Variants in TLE4 observed in about 807,000 individuals in gnomAD.
TLE4 encodes TLE family member 4, transcriptional corepressor, also known as transducin-like enhancer protein 4.
Under a neutral mutation model 92.8 loss-of-function variants are expected in TLE4, and 8 were observed. The ratio of observed to expected loss-of-function variants is 0.09; its 90% CI spans 0.05 to 0.16. The LOEUF is 0.16. Ranked by LOEUF, TLE4 falls within the 10% of genes least tolerant of loss-of-function variation. The pLI is 1.00. For synonymous variants in TLE4, 371 were observed against 374.1 expected (o/e 0.99, Z 0.10); for missense variants, 675 against 997.6 (o/e 0.68, Z 4.36).
chr9:79,704,389 A>G (rs1481286363), intron 8 of TLE4, among the ~76,000 whole-genome samples: 2 of 152,186 alleles, frequency 1.3e-5, no homozygotes, highest in African/African-American at 4.8e-5. Flanking sequence ...CTGGGATTAC[A>G]GGTGTGAATC....
chr9:79,631,420 A>C (rs2054167243), intron 6 of TLE4, among the ~76,000 whole-genome samples: 1 of 152,190 alleles, frequency 6.6e-6, no homozygotes, highest in African/African-American at 2.4e-5. Context: ...TAGGTTTTAA[A>C]CCCATAATTC....
At chr9:79,628,872 A>AAG (rs1491326138) in intron 6 of TLE4, among the ~76,000 whole-genome samples, 2 of 97,280 alleles carry the variant, frequency 2.1e-5, no homozygotes, top group African/African-American at 7.7e-5. Flanking sequence ...TTTTAAAGTT[A>AAG]AGTGTGTGTG....
At chr9:79,721,979 A>G in intron 17 of TLE4, 91 bp downstream of exon 17, 1 of 1,505,964 alleles carries the variant, frequency 6.6e-7, no homozygotes, top group Non-Finnish European at 8.8e-7. Flanking sequence ...ATCCTGGCCA[A>G]CATGGTGAAA....
At position 79,707,606 on chromosome 9, in the gene TLE4, G is replaced by A. The variant is rs928420086; in HGVS notation, c.937-512G>A. 6.6e-5 allele frequency among the ~76,000 whole-genome samples: 10 copies of A among 152,336 alleles called. 1 individual carries two copies. In the South Asian group the frequency reaches 8.3e-4, roughly 13 times the overall value. The stretch of plus-strand genomic sequence containing the variant: ...TCTGCAAATTAGGGGGGATAAGTGC[G>A]ACGGGCTAGATTGTTGGTGTTGTTT... On this transcript the variant is annotated intron_variant, in intron 11 of 19. Transcript: ENST00000376552.
At chr9:79,611,345 A>T (rs1391913460) in intron 4 of TLE4, among the ~76,000 whole-genome samples, 2 of 152,056 alleles carry the variant, frequency 1.3e-5, no homozygotes, top group African/African-American at 4.8e-5. Context: ...TACTGTTAGG[A>T]ATGCAGGCTG....
chr9:79,655,146 T>C (rs190950293), intron 8 of TLE4, among the ~76,000 whole-genome samples: 1 of 147,772 alleles, frequency 6.8e-6, no homozygotes, highest in Non-Finnish European at 1.5e-5. Context: ...GTCTCAAAAA[T>C]ACATACATAC....
intron 8 of TLE4, 154 bp from the exon 9 acceptor site, chr9:79,704,629 C>A: frequency 1.0e-6 from 1 of 954,350 alleles, no homozygotes; most frequent in Middle Eastern, 2.4e-4. Flanking sequence ...TGTTTTCTTC[C>A]TTTCGTCTCC....
chr9:79,605,075 C>G, intron 4 of TLE4, among the ~76,000 whole-genome samples: 1 of 151,990 alleles, frequency 6.6e-6, no homozygotes, highest in East Asian at 1.9e-4. Context: ...AAGCAGGCAG[C>G]TGGCAAGGCT....
At chr9:79,611,371 AT>A (rs1371925484) in intron 4 of TLE4, among the ~76,000 whole-genome samples, 1 of 152,022 alleles carries the variant, frequency 6.6e-6, no homozygotes, top group African/African-American at 2.4e-5. Flanking sequence ...GAAAGCTTGG[AT>A]TTGAAACTTC....
chr9:79,662,023 T>G (rs2060598792), intron 8 of TLE4, among the ~76,000 whole-genome samples: 1 of 152,204 alleles, frequency 6.6e-6, no homozygotes. Flanking sequence ...TCCACCTTTC[T>G]TCCTTCACAC....
intron 2 of TLE4, 95 bp from the exon 3 acceptor site, chr9:79,574,778 T>G: frequency 9.8e-7 from 1 of 1,023,426 alleles, no homozygotes; most frequent in East Asian, 2.5e-5. Flanking sequence ...GATTGTTGAT[T>G]TAGTTGTTTG....
At chr9:79,653,936 AATTT>A in intron 7 of TLE4, 119 bp from the exon 8 acceptor site, 2 of 1,125,610 alleles carry the variant, frequency 1.8e-6, no homozygotes, top group Non-Finnish European at 2.7e-6. Context: ...ACATCTGTGT[AATTT>A]ATTATTTAGC....
chr9:79,605,068 C>G (rs934009497), intron 4 of TLE4, among the ~76,000 whole-genome samples: 1 of 151,990 alleles, frequency 6.6e-6, no homozygotes, highest in South Asian at 2.1e-4. Context: ...AAATGTAAAG[C>G]AGGCAGCTGG....
intron 6 of TLE4, among the ~76,000 whole-genome samples, chr9:79,641,154 T>C (rs2057061576): frequency 6.7e-6 from 1 of 150,240 alleles, no homozygotes; most frequent in African/African-American, 2.4e-5. Context: ...TTTTTTTTTT[T>C]CTTGGAGTAG....
chr9:79,682,318 C>T lies in TLE4; in HGVS notation c.610-22465C>T, dbSNP rs139862248. Among the ~76,000 whole-genome samples the T allele has an allele frequency of 1.5e-3, 228 of 152,170 alleles. 1 individual carries two copies. The highest frequency in any genetic ancestry group is 2.6e-3 in the Non-Finnish European group (177 of 67,992). ...TAATGTTTGATTATAGACTGTTATT[C>T]CAGCCCCTGTTAGAGTATATGCATC... On this transcript the variant is annotated intron_variant, in intron 8 of 19. Coordinates refer to ENST00000376552, the MANE Select transcript of TLE4 (RefSeq NM_007005.6).
chr9:79,706,073 C>A, intron 10 of TLE4, 131 bp downstream of exon 10: 1 of 878,054 alleles, frequency 1.1e-6, no homozygotes, highest in Non-Finnish European at 1.9e-6. Flanking sequence ...GAGGCAGGGT[C>A]TTGTTCTCTT....
intron 8 of TLE4, among the ~76,000 whole-genome samples, chr9:79,670,482 A>G (rs1486190012): frequency 6.6e-6 from 1 of 152,206 alleles, no homozygotes; most frequent in Non-Finnish European, 1.5e-5. Context: ...ACAGACAGAT[A>G]TGCCTCAGTC....
intron 8 of TLE4, among the ~76,000 whole-genome samples, chr9:79,695,257 A>G (rs1003733537): frequency 6.6e-6 from 1 of 152,106 alleles, no homozygotes; most frequent in African/African-American, 2.4e-5. Context: ...TCTTTTCAAC[A>G]TAGTTCTGAA....
intron 14 of TLE4, among the ~76,000 whole-genome samples, chr9:79,716,976 T>C (rs1045156050): frequency 6.6e-6 from 1 of 152,316 alleles, no homozygotes; most frequent in South Asian, 2.1e-4. Flanking sequence ...GAACATCTTC[T>C]CCCCCTTTCT....
Sources: gnomAD v4.1 joint callset for allele counts (sites outside exome capture counted in the v4.1 genomes callset) on GRCh38, gnomAD v4.1.1 for gene constraint, MANE v1.5 for transcripts, NCBI Gene and HGNC (gene_info 2026-07-23, HGNC 2026-07-21) for gene names.